FBXL16: variants seen among roughly 807,000 people sequenced by gnomAD.
FBXL16 encodes F-box and leucine rich repeat protein 16.
Under a neutral mutation model 36.7 loss-of-function variants are expected in FBXL16, and 7 were observed. That is an observed-to-expected ratio of 0.19 (90% CI 0.11 to 0.36). The LOEUF (loss-of-function observed/expected upper bound fraction) is 0.36, where lower values mean the gene tolerates loss of function less well. Among genes scored for constraint, FBXL16 ranks in the 10% least tolerant of loss-of-function variants. FBXL16 has a pLI of 1.00. For synonymous variants in FBXL16, 355 were observed against 308.7 expected (o/e 1.15, Z -1.57); for missense variants, 463 against 659.4 (o/e 0.70, Z 3.26).
intron 5 of FBXL16, 34 bp downstream of exon 5, chr16:694,600 A>G: frequency 1.3e-6 from 2 of 1,593,392 alleles, no homozygotes; most frequent in Non-Finnish European, 8.5e-7. Context: ...GTGGGTGGTC[A>G]CTGCCAGCGT....
chr16:699,189 G>A (rs1163392796), intron 1 of FBXL16, among the ~76,000 whole-genome samples: 3 of 152,214 alleles, frequency 2.0e-5, no homozygotes, highest in African/African-American at 7.2e-5. Flanking sequence ...GCCAAAGTTC[G>A]GGCAGAGCTG....
chr16:700,483 G>A lies in FBXL16; in HGVS notation c.-14-3064C>T, dbSNP rs940988503. Among the ~76,000 whole-genome samples, 10 of 152,162 alleles carry A rather than the reference G, an allele frequency of 6.6e-5. No homozygotes were observed. The East Asian group carries it at 1.7e-3, about 26-fold the overall frequency. On this transcript the variant is annotated intron_variant, in intron 1 of 5. Transcript: ENST00000397621. The stretch of plus-strand genomic sequence containing the variant: ...ATTCGACCTCACGGCCGCCCTTAGG[G>A]GTGGAGGGGTCGCTACCTCAGGTTT...
At chr16:696,734 C>CGG in intron 2 of FBXL16, 39 bp downstream of exon 2, 2 of 1,478,484 alleles carry the variant, frequency 1.4e-6, no homozygotes, top group East Asian at 2.5e-5. Flanking sequence ...CTGCCCGCCC[C>CGG]TGCCCCCCAG....
chr16:697,722 C>A lies in FBXL16; in HGVS notation c.-14-303G>T, dbSNP rs1448238562. 6.6e-6 allele frequency among the ~76,000 whole-genome samples: 1 copy of A among 152,054 alleles called. No homozygotes were observed. ...TTTCTTTTTGAAACAGAGTTCCGGCCGGGCGCGGTGGCTCATGCCTGTAAT... is the reference window on the plus strand; with the variant it reads ...TTTCTTTTTGAAACAGAGTTCCGGCAGGGCGCGGTGGCTCATGCCTGTAAT... On this transcript the variant is annotated intron_variant, in intron 1 of 5. Transcript: ENST00000397621. The surrounding 1 kb of genome is among the most constrained non-coding windows in gnomAD (Gnocchi z 4.6).
intron 5 of FBXL16, 33 bp downstream of exon 5, chr16:694,601 C>T: frequency 1.3e-6 from 2 of 1,594,978 alleles, no homozygotes; most frequent in Non-Finnish European, 1.7e-6. Flanking sequence ...TGGGTGGTCA[C>T]TGCCAGCGTC....
chr16:699,205 G>A (rs74002845), intron 1 of FBXL16, among the ~76,000 whole-genome samples: 3,586 of 152,342 alleles, frequency 0.024, 144 homozygotes, highest in African/African-American at 0.082. Context: ...AGCTGGCTGA[G>A]GAAGGCCATG....
chr16:700,091 G>A (rs1350060816), intron 1 of FBXL16, among the ~76,000 whole-genome samples: 1 of 152,160 alleles, frequency 6.6e-6, no homozygotes, highest in Non-Finnish European at 1.5e-5. Flanking sequence ...GCTCTTCCCA[G>A]CAGCAGGTCC....
intron 4 of FBXL16, 94 bp from the exon 5 acceptor site, chr16:694,791 G>C: frequency 1.4e-6 from 2 of 1,401,278 alleles, no homozygotes; most frequent in East Asian, 5.0e-5. Flanking sequence ...GTTCAAGCCC[G>C]GGGTTCCTCC....
In FBXL16 at chr16:696,922, C is replaced by T. The variant is rs144873392; in HGVS notation, c.484G>A (p.Gly162Ser). The part of the protein sequence containing the change: ...GGEKEFVNLQ[G>S]FAARGFEGFC... Reference sequence around the variant, plus strand: ...CCCTCGAAGCCTCTGGCGGCAAAACCCTGCAGGTTCACGAACTCCTTCTCG... The same window carrying T: ...CCCTCGAAGCCTCTGGCGGCAAAACTCTGCAGGTTCACGAACTCCTTCTCG... The change falls in exon 2 of 6, where the codon GGT (glycine) becomes AGT (serine). Residue 162 changes from glycine to serine, a missense_variant. Gly to Ser is a moderately conservative substitution (Grantham distance 56). Coordinates refer to ENST00000397621, the MANE Select transcript of FBXL16 (RefSeq NM_153350.4). 1.9e-6 allele frequency: 3 copies of T among 1,608,200 alleles called. No homozygotes were observed. The highest frequency in any genetic ancestry group is 1.1e-5 in the South Asian group (1 of 90,258).
chr16:694,930 A>T, intron 4 of FBXL16, 62 bp downstream of exon 4: 1 of 1,439,416 alleles, frequency 6.9e-7, no homozygotes, highest in Non-Finnish European at 9.3e-7. Flanking sequence ...TGGGGCCGGG[A>T]GCTCTCCCCG....
At chr16:699,612 G>T (rs2040041224) in intron 1 of FBXL16, among the ~76,000 whole-genome samples, 1 of 152,218 alleles carries the variant, frequency 6.6e-6, no homozygotes, top group Non-Finnish European at 1.5e-5. Context: ...AGCAAGGTCT[G>T]GGAGAGTGAT....
chr16:704,729 G>A (rs925808222), intron 1 of FBXL16, among the ~76,000 whole-genome samples: 1 of 152,246 alleles, frequency 6.6e-6, no homozygotes, highest in African/African-American at 2.4e-5. Flanking sequence ...TGAAGGAAGA[G>A]GCAGGTGAGG....
At chr16:703,829 G>T (rs575993232) in intron 1 of FBXL16, among the ~76,000 whole-genome samples, 1 of 152,362 alleles carries the variant, frequency 6.6e-6, no homozygotes, top group South Asian at 2.1e-4. Flanking sequence ...ACACCCTGGG[G>T]AGTGGGTGCT....
intron 2 of FBXL16, among the ~76,000 whole-genome samples, chr16:696,385 T>C (rs1199052231): frequency 6.6e-6 from 1 of 152,162 alleles, no homozygotes; most frequent in Non-Finnish European, 1.5e-5. Flanking sequence ...CTCAGTGTCC[T>C]CCCAAGTAGC....
chr16:700,313 T>C (rs1596575338), intron 1 of FBXL16, among the ~76,000 whole-genome samples: 2 of 152,236 alleles, frequency 1.3e-5, no homozygotes, highest in East Asian at 3.9e-4. Flanking sequence ...CAGAGTATCA[T>C]TCGGGTCCTG....
chr16:696,793 T>C lies in FBXL16; in HGVS notation c.613A>G (p.Ile205Val). 2 of 1,144,846 alleles carry C rather than the reference T, an allele frequency of 1.7e-6. No individual in the cohort carries two copies. Among genetic ancestry groups the C allele is most frequent in the South Asian group, 1.6e-5 (1 of 63,708 alleles). The allele number at this position is 1,144,846 out of a possible 1,614,324, so 70.9% of individuals were successfully genotyped here. ...VKAMSLKRST[I>V]TDAGLEVMLE... is the part of the protein sequence containing the mutation. ...CACACCTCGAGGCCTGCGTCCGTGA[T>C]GGTGGAGCGCTTGAGGCTCATGGCT... is the stretch of plus-strand genomic sequence containing the variant. The change falls in exon 2 of 6, where the codon ATC becomes GTC. Residue 205 changes from isoleucine to valine, a missense_variant. This residue lies in a region of FBXL16 where 263 missense variants were observed against 341.1 expected (regional missense o/e 0.77). Coordinates refer to ENST00000397621, the MANE Select transcript of FBXL16 (RefSeq NM_153350.4).
At chr16:699,457 G>A (rs999111533) in intron 1 of FBXL16, among the ~76,000 whole-genome samples, 10 of 152,194 alleles carry the variant, frequency 6.6e-5, no homozygotes, top group African/African-American at 1.9e-4. Context: ...CCCTGGACTT[G>A]AAATGGGCCC....
At position 696,981 on chromosome 16, in the gene FBXL16, T is replaced by G; in HGVS notation, c.425A>C (p.His142Pro). Residue 142 changes from histidine to proline, a missense_variant, in exon 2 of 6, where the codon CAT becomes CCT. His to Pro is a moderately conservative substitution (Grantham distance 77). This residue lies in a region of FBXL16 where 263 missense variants were observed against 341.1 expected (regional missense o/e 0.77). Transcript: ENST00000397621. ...CAGCACGTTGTAGAGCTCCTTGGCA[T>G]GCAGCACCGGCGTGAGGCCTGCCCA... The part of the protein sequence containing the change: ...KFWAGLTPVL[H>P]AKELYNVLPG... 1 of 1,597,066 alleles carries G rather than the reference T, an allele frequency of 6.3e-7. No homozygotes were observed. The highest frequency in any genetic ancestry group is 8.5e-7 in the Non-Finnish European group (1 of 1,172,932).
chr16:697,893 G>C lies in FBXL16; in HGVS notation c.-14-474C>G, dbSNP rs2040026980. ...CAGGCGCCTGTAGTACCAGCTACTT[G>C]GGAGGCTGCAGCAGGAGAATGACGT... On this transcript the variant is annotated intron_variant, in intron 1 of 5. Transcript: ENST00000397621. This position sits in a 1 kb window ranked among gnomAD's most constrained non-coding sequence, Gnocchi z 4.6. 6.6e-6 allele frequency among the ~76,000 whole-genome samples: 1 copy of C among 151,972 alleles called. No individual in the cohort carries two copies. Among genetic ancestry groups the C allele is most frequent in the Admixed American group, 6.6e-5 (1 of 15,254 alleles).
Sources: allele counts gnomAD v4.1 joint callset (sites outside exome capture counted in the v4.1 genomes callset), GRCh38; gene constraint gnomAD v4.1.1; regional missense constraint gnomAD v4.1.1; non-coding constraint Gnocchi (gnomAD v3.1); transcripts MANE v1.5; gene names NCBI Gene and HGNC (gene_info 2026-07-23, HGNC 2026-07-21).